Variants in NKAIN2 observed in about 807,000 individuals in gnomAD.
The protein encoded by NKAIN2 is sodium/potassium-transporting ATPase subunit beta-1-interacting protein 2.
Under a neutral mutation model 32.6 loss-of-function variants are expected in NKAIN2, and 14 were observed. The ratio of observed to expected loss-of-function variants is 0.43; its 90% CI spans 0.28 to 0.67. NKAIN2 has a LOEUF of 0.67. Among genes scored for constraint, NKAIN2 ranks in the 30% least tolerant of loss-of-function variants. The pLI is 0.17. For missense variants in NKAIN2, 198 were observed against 258.3 expected (o/e 0.77, Z 1.60); for synonymous variants, 80 against 87.2 (o/e 0.92, Z 0.46).
chr6:124,551,075 A>G (rs890016541), intron 3 of NKAIN2, among the ~76,000 whole-genome samples: 37 of 152,326 alleles, frequency 2.4e-4, no homozygotes, highest in African/African-American at 8.9e-4. Context: ...TGGAGTAGGC[A>G]GATGTATTTG....
intron 1 of NKAIN2, among the ~76,000 whole-genome samples, chr6:123,937,811 T>G (rs922307370): frequency 6.6e-6 from 1 of 152,098 alleles, no homozygotes; most frequent in Non-Finnish European, 1.5e-5. Flanking sequence ...CTAGCTCAGT[T>G]AATCTTGACA....
intron 2 of NKAIN2, among the ~76,000 whole-genome samples, chr6:124,346,406 A>T (rs1204378179): frequency 6.6e-6 from 1 of 152,008 alleles, no homozygotes; most frequent in Non-Finnish European, 1.5e-5. Flanking sequence ...TTTCCGTCTC[A>T]TTGATCTGTC....
At chr6:124,815,215 T>TATATATATAA in intron 5 of NKAIN2, among the ~76,000 whole-genome samples, 1 of 92,952 alleles carries the variant, frequency 1.1e-5, no homozygotes, top group Admixed American at 1.1e-4. Flanking sequence ...AGTCTTAAAC[T>TATATATATAA]ATATATATAC....
chr6:123,986,361 G>A (rs781551723), intron 1 of NKAIN2, among the ~76,000 whole-genome samples: 7 of 152,114 alleles, frequency 4.6e-5, no homozygotes, highest in African/African-American at 7.2e-5. Context: ...AGGAATATTT[G>A]TACCAATACA....
chr6:124,687,977 C>G (rs1774068975), intron 4 of NKAIN2, among the ~76,000 whole-genome samples: 1 of 151,602 alleles, frequency 6.6e-6, no homozygotes, highest in Admixed American at 6.6e-5. Context: ...TTTTTTGCTT[C>G]CAGCAACCAG....
chr6:123,803,886 C>T lies in NKAIN2; in HGVS notation c.-315C>T, dbSNP rs1773094739. ...GGCCAGATGCCCGAGGGCGCGGCGG[C>T]GCTGCCAGGCTGCCGCTGCTGCCCC... On this transcript the variant is annotated 5_prime_UTR_variant, in exon 1 of 7. Coordinates refer to ENST00000368417, the MANE Select transcript of NKAIN2 (RefSeq NM_001040214.3). Among the ~76,000 whole-genome samples, 1 of 147,924 alleles carries T rather than the reference C, an allele frequency of 6.8e-6. No individual in the cohort carries two copies. The highest frequency in any genetic ancestry group is 2.4e-5 in the African/African-American group (1 of 40,956).
At chr6:124,402,970 T>A (rs973636458) in intron 3 of NKAIN2, among the ~76,000 whole-genome samples, 2 of 152,136 alleles carry the variant, frequency 1.3e-5, no homozygotes, top group Admixed American at 6.6e-5. Context: ...TTAAAAAAAA[T>A]TATTTCTCAA....
intron 1 of NKAIN2, among the ~76,000 whole-genome samples, chr6:124,139,080 T>A (rs1247006486): frequency 1.6e-3 from 17 of 10,660 alleles, no homozygotes; most frequent in East Asian, 3.3e-3. Context: ...TAAATAAAAA[T>A]TTTTTTTTTT....
At chr6:124,058,262 T>C (rs1782760263) in intron 1 of NKAIN2, among the ~76,000 whole-genome samples, 1 of 148,844 alleles carries the variant, frequency 6.7e-6, no homozygotes, top group African/African-American at 2.5e-5. Flanking sequence ...CTATAGAGAA[T>C]GAGAAAAAGC....
chr6:124,823,029 G>A (rs1781454446), intron 6 of NKAIN2, among the ~76,000 whole-genome samples, 191 bp from the exon 7 acceptor site: 1 of 152,070 alleles, frequency 6.6e-6, no homozygotes, highest in South Asian at 2.1e-4. Flanking sequence ...GACCAAAACT[G>A]GCCTCTCTAT....
At chr6:124,675,358 T>C (rs1773303299) in intron 4 of NKAIN2, among the ~76,000 whole-genome samples, 1 of 152,058 alleles carries the variant, frequency 6.6e-6, no homozygotes, top group Non-Finnish European at 1.5e-5. Context: ...GTTTTCTTTC[T>C]TGTAGTGTCT....
chr6:124,499,710 T>C (rs1476979319), intron 3 of NKAIN2, among the ~76,000 whole-genome samples: 1 of 152,194 alleles, frequency 6.6e-6, no homozygotes, highest in Non-Finnish European at 1.5e-5. Flanking sequence ...TCTGTGATCA[T>C]ATCCAAAGCT....
At chr6:124,576,564 G>A (rs1479590084) in intron 3 of NKAIN2, among the ~76,000 whole-genome samples, 8 of 152,084 alleles carry the variant, frequency 5.3e-5, no homozygotes, top group East Asian at 3.9e-4. Context: ...GTGGGGCAGC[G>A]TGTTAACATT....
At chr6:124,022,794 T>C (rs4493759) in intron 1 of NKAIN2, among the ~76,000 whole-genome samples, 37,839 of 152,016 alleles carry the variant, frequency 0.25, 6,373 homozygotes, top group African/African-American at 0.48. Flanking sequence ...CATCCTTTCT[T>C]TCCCTTGCCC....
intron 1 of NKAIN2, among the ~76,000 whole-genome samples, chr6:124,010,885 T>C (rs959753135): frequency 5.3e-5 from 8 of 152,190 alleles, no homozygotes; most frequent in Admixed American, 5.2e-4. Flanking sequence ...TTTTCTGTTT[T>C]CTTTCTCACA....
At chr6:123,959,792 T>TG (rs747041050) in intron 1 of NKAIN2, among the ~76,000 whole-genome samples, 1 of 150,130 alleles carries the variant, frequency 6.7e-6, no homozygotes, top group Non-Finnish European at 1.5e-5. Flanking sequence ...CTCTCTCTCA[T>TG]ATATATATAT....
At chr6:124,114,111 A>G (rs996815112) in intron 1 of NKAIN2, among the ~76,000 whole-genome samples, 1 of 152,172 alleles carries the variant, frequency 6.6e-6, no homozygotes, top group Non-Finnish European at 1.5e-5. Context: ...CTGACTAGCA[A>G]TATATGAGAT....
chr6:124,611,629 T>TG (rs1782693021), intron 3 of NKAIN2, among the ~76,000 whole-genome samples: 1 of 152,160 alleles, frequency 6.6e-6, no homozygotes, highest in African/African-American at 2.4e-5. Flanking sequence ...CATGCAGTGT[T>TG]TGGTTTTCTG....
At chr6:124,560,114 G>T (rs973414632) in intron 3 of NKAIN2, among the ~76,000 whole-genome samples, 3 of 152,090 alleles carry the variant, frequency 2.0e-5, no homozygotes, top group African/African-American at 4.8e-5. Flanking sequence ...TGGCTTGGCT[G>T]TGTCCCCACC....
Sources: allele counts gnomAD v4.1 joint callset (sites outside exome capture counted in the v4.1 genomes callset), GRCh38; gene constraint gnomAD v4.1.1; transcripts MANE v1.5; gene names NCBI Gene and HGNC (gene_info 2026-07-23, HGNC 2026-07-21).